PARD3B: variants seen among roughly 807,000 people sequenced by gnomAD.
PARD3B encodes partitioning defective 3 homolog B.
PARD3B carries 103 observed loss-of-function variants against 130.2 expected under a neutral mutation model. The observed-to-expected ratio is 0.79, with a 90% CI of 0.67 to 0.93. The LOEUF (loss-of-function observed/expected upper bound fraction) is 0.93, where lower values mean the gene tolerates loss of function less well. PARD3B is among the 40% of genes least tolerant of loss of function. PARD3B has a pLI of 0.00. For synonymous variants in PARD3B, 583 were observed against 553.2 expected (o/e 1.05, Z -0.76); for missense variants, 1,609 against 1,499.2 (o/e 1.07, Z -1.21).
intron 3 of PARD3B, among the ~76,000 whole-genome samples, chr2:205,001,231 T>G (rs868397488): frequency 2.0e-5 from 3 of 152,150 alleles, no homozygotes; most frequent in Non-Finnish European, 4.4e-5. Context: ...TCAGGTGATC[T>G]GCTCACCTCG....
intron 1 of PARD3B, among the ~76,000 whole-genome samples, chr2:204,584,378 A>C (rs1277909944): frequency 1.3e-5 from 2 of 152,206 alleles, no homozygotes; most frequent in Non-Finnish European, 2.9e-5. Context: ...ATAAGTAAAG[A>C]GTATAATTGA....
intron 16 of PARD3B, among the ~76,000 whole-genome samples, chr2:205,250,463 A>G (rs767330021): frequency 6.6e-6 from 1 of 152,148 alleles, no homozygotes; most frequent in African/African-American, 2.4e-5. Context: ...AAAACAGGCA[A>G]GTGTGTGAAA....
chr2:205,283,011 G>A (rs971785215), intron 16 of PARD3B, among the ~76,000 whole-genome samples: 2 of 152,200 alleles, frequency 1.3e-5, no homozygotes, highest in Admixed American at 1.3e-4. Flanking sequence ...TGATTGATTA[G>A]TTCAGGCAAA....
intron 21 of PARD3B, among the ~76,000 whole-genome samples, chr2:205,504,165 G>A (rs1378507623): frequency 1.3e-5 from 2 of 152,118 alleles, no homozygotes; most frequent in East Asian, 1.9e-4. Flanking sequence ...TTTAATAAAT[G>A]GTGCTGGGAA....
intron 20 of PARD3B, among the ~76,000 whole-genome samples, chr2:205,466,086 G>C (rs901501460): frequency 6.6e-6 from 1 of 152,128 alleles, no homozygotes; most frequent in African/African-American, 2.4e-5. Flanking sequence ...TGATGCCAGG[G>C]GTCTGGGATG....
chr2:204,981,979 G>A (rs1219304890), intron 3 of PARD3B, among the ~76,000 whole-genome samples: 1 of 151,968 alleles, frequency 6.6e-6, no homozygotes, highest in East Asian at 1.9e-4. Flanking sequence ...TTGTGTGTGT[G>A]TATGTACACA....
intron 2 of PARD3B, among the ~76,000 whole-genome samples, chr2:204,777,247 C>G (rs1252604734): frequency 6.6e-6 from 1 of 151,936 alleles, no homozygotes; most frequent in East Asian, 1.9e-4. Flanking sequence ...TTTTTTTCCC[C>G]TGGAGCTAGA....
chr2:205,075,711 A>G (rs779649561), intron 4 of PARD3B, among the ~76,000 whole-genome samples: 103 of 151,390 alleles, frequency 6.8e-4, no homozygotes, highest in Non-Finnish European at 1.3e-3. Flanking sequence ...AATTTTTGAT[A>G]GACATTTTTT....
At chr2:204,762,722 A>G (rs2040957091) in intron 2 of PARD3B, among the ~76,000 whole-genome samples, 1 of 149,440 alleles carries the variant, frequency 6.7e-6, no homozygotes, top group African/African-American at 2.5e-5. Flanking sequence ...GGGGGACTTA[A>G]CTGCCAGCTG....
intron 1 of PARD3B, among the ~76,000 whole-genome samples, chr2:204,583,809 C>T (rs1218152819): frequency 4.6e-5 from 7 of 152,180 alleles, no homozygotes; most frequent in Admixed American, 2.6e-4. Context: ...ATATTCTTTT[C>T]GTGTATTGAT....
intron 5 of PARD3B, among the ~76,000 whole-genome samples, chr2:205,109,046 G>T (rs1484808036): frequency 1.3e-5 from 2 of 151,512 alleles, no homozygotes; most frequent in South Asian, 4.2e-4. Context: ...CTTCCCCTTA[G>T]ATTATAAACT....
rs2039090726 is a variant in PARD3B, at chr2:204,723,596, A to G, written c.222+37314A>G. Among the ~76,000 whole-genome samples the G allele has an allele frequency of 3.3e-5, 5 of 152,120 alleles. 1 individual carries two copies. In the South Asian group the frequency reaches 1.0e-3, roughly 32 times the overall value. ...TTACCTTACAGAACCTCAGAGTTTAAAGCCACATTCTGTTTTTAAGGGAAA... is the reference window on the plus strand; with the variant it reads ...TTACCTTACAGAACCTCAGAGTTTAGAGCCACATTCTGTTTTTAAGGGAAA... On this transcript the variant is annotated intron_variant, in intron 2 of 22. Transcript: ENST00000406610.
At chr2:204,926,618 T>C (rs1192479497) in intron 2 of PARD3B, among the ~76,000 whole-genome samples, 4 of 152,102 alleles carry the variant, frequency 2.6e-5, no homozygotes, top group Non-Finnish European at 5.9e-5. Context: ...TGACAGCATT[T>C]TACCCTTATT....
chr2:204,996,725 T>C (rs1355275740), intron 3 of PARD3B, among the ~76,000 whole-genome samples: 1 of 149,444 alleles, frequency 6.7e-6, no homozygotes, highest in Non-Finnish European at 1.5e-5. Context: ...GTGCTAGCAA[T>C]CAGCGAGATT....
intron 1 of PARD3B, among the ~76,000 whole-genome samples, chr2:204,595,626 A>T (rs1180207529): frequency 6.6e-6 from 1 of 152,230 alleles, no homozygotes; most frequent in African/African-American, 2.4e-5. Context: ...ACATTTCTGT[A>T]TGTTAGTCAA....
intron 18 of PARD3B, among the ~76,000 whole-genome samples, chr2:205,304,635 C>CAAA (rs34125638): frequency 7.5e-6 from 1 of 133,980 alleles, no homozygotes. Context: ...AACTCCATCT[C>CAAA]AAAAAAAAAA....
intron 2 of PARD3B, among the ~76,000 whole-genome samples, chr2:204,713,295 G>A (rs546150796): frequency 1.9e-4 from 29 of 151,920 alleles, no homozygotes; most frequent in Middle Eastern, 3.4e-3. Context: ...TCCAAATCCA[G>A]TGTGCCAGTG....
intron 22 of PARD3B, among the ~76,000 whole-genome samples, chr2:205,600,695 C>T (rs558269591): frequency 4.6e-5 from 7 of 152,170 alleles, no homozygotes; most frequent in Non-Finnish European, 8.8e-5. Flanking sequence ...TGTTGTTCCC[C>T]TCTCTGTATC....
chr2:204,697,349 A>G (rs916645139), intron 2 of PARD3B, among the ~76,000 whole-genome samples: 2 of 152,130 alleles, frequency 1.3e-5, no homozygotes, highest in Non-Finnish European at 2.9e-5. Flanking sequence ...GGAGCCTGCT[A>G]ACTGTCCTCA....
Sources: gnomAD v4.1 joint callset for allele counts (sites outside exome capture counted in the v4.1 genomes callset) on GRCh38, gnomAD v4.1.1 for gene constraint, MANE v1.5 for transcripts, NCBI Gene and HGNC (gene_info 2026-07-23, HGNC 2026-07-21) for gene names.